The following SORCS3 variants were observed in gnomAD, a reference collection of about 807,000 sequenced individuals.
The protein encoded by SORCS3 is VPS10 domain-containing receptor SorCS3.
A neutral mutation model predicts 146.3 loss-of-function variants in SORCS3; 57 were observed. The ratio of observed to expected loss-of-function variants is 0.39; its 90% CI spans 0.31 to 0.49. The LOEUF (loss-of-function observed/expected upper bound fraction) is 0.49. Among genes scored for constraint, SORCS3 ranks in the 20% least tolerant of loss-of-function variants. The pLI is 0.92. For synonymous variants in SORCS3, 653 were observed against 618.5 expected (o/e 1.06, Z -0.83); for missense variants, 1,341 against 1,575.5 (o/e 0.85, Z 2.52).
intron 3 of SORCS3, among the ~76,000 whole-genome samples, chr10:104,947,313 G>A (rs2019381952): frequency 6.6e-6 from 1 of 152,090 alleles, no homozygotes; most frequent in Non-Finnish European, 1.5e-5. Flanking sequence ...GGATTGAGGG[G>A]AAATTTCTCC....
At chr10:104,927,351 C>G (rs2019158764) in intron 3 of SORCS3, among the ~76,000 whole-genome samples, 1 of 152,120 alleles carries the variant, frequency 6.6e-6, no homozygotes, top group Admixed American at 6.5e-5. Flanking sequence ...AGAAGGGATT[C>G]CATTTGAGGT....
At chr10:104,960,593 T>C (rs1564722823) in intron 3 of SORCS3, among the ~76,000 whole-genome samples, 1 of 152,116 alleles carries the variant, frequency 6.6e-6, no homozygotes, top group South Asian at 2.1e-4. Context: ...ATTAATCCAT[T>C]AACCATTTAA....
At chr10:104,979,565 T>TTGTGTG (rs60597563) in intron 4 of SORCS3, among the ~76,000 whole-genome samples, 11 of 150,428 alleles carry the variant, frequency 7.3e-5, no homozygotes, top group Non-Finnish European at 1.0e-4. Flanking sequence ...GAATTTGTGT[T>TTGTGTG]TGTGTGTGTG....
intron 1 of SORCS3, among the ~76,000 whole-genome samples, chr10:104,818,460 G>A (rs2017833304): frequency 6.6e-6 from 1 of 150,718 alleles, no homozygotes; most frequent in African/African-American, 2.4e-5. Flanking sequence ...TAAGAGGTGG[G>A]GAGGGCCCAA....
intron 1 of SORCS3, among the ~76,000 whole-genome samples, chr10:104,694,495 A>G (rs2016150702): frequency 6.6e-6 from 1 of 152,058 alleles, no homozygotes; most frequent in Non-Finnish European, 1.5e-5. Flanking sequence ...TTCATTCCCC[A>G]GCTGCTTTAA....
chr10:104,658,458 T>C (rs185034146), intron 1 of SORCS3, among the ~76,000 whole-genome samples: 1 of 152,328 alleles, frequency 6.6e-6, no homozygotes, highest in East Asian at 1.9e-4. Flanking sequence ...TGAGATGGAG[T>C]TCACTCTTGT....
intron 14 of SORCS3, among the ~76,000 whole-genome samples, chr10:105,187,576 T>C (rs2056486643): frequency 6.6e-6 from 1 of 152,156 alleles, no homozygotes; most frequent in African/African-American, 2.4e-5. Flanking sequence ...AAATCTGTCC[T>C]CAGCAGCTTC....
chr10:104,819,216 C>A (rs1182351380), intron 1 of SORCS3, among the ~76,000 whole-genome samples: 3 of 152,098 alleles, frequency 2.0e-5, no homozygotes, highest in African/African-American at 7.2e-5. Flanking sequence ...ATGCAGATTT[C>A]CAGGCCCTGT....
At chr10:105,144,722 C>A (rs1024815649) in intron 8 of SORCS3, among the ~76,000 whole-genome samples, 1 of 152,084 alleles carries the variant, frequency 6.6e-6, no homozygotes, top group Non-Finnish European at 1.5e-5. Flanking sequence ...CTCTTTAACA[C>A]CAAAGATTTC....
At chr10:104,990,674 T>C (rs932333968) in intron 4 of SORCS3, among the ~76,000 whole-genome samples, 1 of 152,180 alleles carries the variant, frequency 6.6e-6, no homozygotes, top group African/African-American at 2.4e-5. Context: ...TTATCCCAGA[T>C]TATCTTGAGG....
intron 9 of SORCS3, among the ~76,000 whole-genome samples, chr10:105,149,956 T>C (rs955074216): frequency 1.1e-4 from 16 of 152,198 alleles, no homozygotes; most frequent in African/African-American, 3.9e-4. Flanking sequence ...TGTCACTGCA[T>C]CTATAGAGAA....
chr10:105,093,801 A>G (rs2055726462), intron 6 of SORCS3, among the ~76,000 whole-genome samples: 1 of 152,190 alleles, frequency 6.6e-6, no homozygotes, highest in Non-Finnish European at 1.5e-5. Flanking sequence ...GCAAAATGGT[A>G]CAGCTACTCT....
chr10:105,110,753 T>C (rs2055854214), intron 7 of SORCS3, among the ~76,000 whole-genome samples: 1 of 152,218 alleles, frequency 6.6e-6, no homozygotes, highest in South Asian at 2.1e-4. Context: ...TTATTTTTCT[T>C]ATTGCTTTAG....
At chr10:104,998,125 A>T (rs1455576388) in intron 4 of SORCS3, among the ~76,000 whole-genome samples, 3 of 152,156 alleles carry the variant, frequency 2.0e-5, no homozygotes, top group Non-Finnish European at 4.4e-5. Flanking sequence ...TGGGAAGAAC[A>T]TATAATTTGG....
In SORCS3 at chr10:105,141,681, C is replaced by T. The variant is rs1005970858; in HGVS notation, c.1302+2195C>T. Reference sequence around the variant, plus strand: ...GAGGAGCATTATTAGAAGCCATAGCCTTGTGCTGAGCCCTCCATAACTCAG... The same window carrying T: ...GAGGAGCATTATTAGAAGCCATAGCTTTGTGCTGAGCCCTCCATAACTCAG... On this transcript the variant is annotated intron_variant, in intron 8 of 26. Transcript: ENST00000369701. Among the ~76,000 whole-genome samples the T allele has an allele frequency of 2.0e-5, 3 of 152,248 alleles. No homozygotes were observed. In the South Asian group the frequency reaches 6.2e-4, roughly 32 times the overall value.
At chr10:105,009,814 C>A (rs2055122247) in intron 4 of SORCS3, among the ~76,000 whole-genome samples, 1 of 151,632 alleles carries the variant, frequency 6.6e-6, no homozygotes, top group Admixed American at 6.6e-5. Context: ...TACAACAGGG[C>A]CCTGGCTGGG....
At chr10:104,763,753 T>C (rs751036658) in intron 1 of SORCS3, among the ~76,000 whole-genome samples, 21 of 152,164 alleles carry the variant, frequency 1.4e-4, no homozygotes, top group Non-Finnish European at 2.5e-4. Flanking sequence ...TGAATTGTAA[T>C]CCCCATAATC....
chr10:104,983,093 C>A (rs1029900222), intron 4 of SORCS3, among the ~76,000 whole-genome samples: 1 of 151,970 alleles, frequency 6.6e-6, no homozygotes, highest in East Asian at 1.9e-4. Flanking sequence ...TCCATCTCCT[C>A]GATTCAAGCG....
At chr10:104,751,048 G>A (rs946778821) in intron 1 of SORCS3, among the ~76,000 whole-genome samples, 3 of 152,058 alleles carry the variant, frequency 2.0e-5, no homozygotes, top group Non-Finnish European at 4.4e-5. Flanking sequence ...TACAAGAGAG[G>A]GAGAAGCACA....
Sources: allele counts gnomAD v4.1 joint callset (sites outside exome capture counted in the v4.1 genomes callset), GRCh38; gene constraint gnomAD v4.1.1; transcripts MANE v1.5; gene names NCBI Gene and HGNC (gene_info 2026-07-23, HGNC 2026-07-21).